DNAH14: variants seen among roughly 807,000 people sequenced by gnomAD.
DNAH14 encodes dynein axonemal heavy chain 14.
Under a neutral mutation model 520.9 loss-of-function variants are expected in DNAH14, and 478 were observed. The ratio of observed to expected loss-of-function variants is 0.92; its 90% CI spans 0.85 to 0.99. DNAH14 has a LOEUF of 0.99. DNAH14 is among the 50% of genes least tolerant of loss of function. The pLI is 0.00. For synonymous variants in DNAH14, 1,581 were observed against 1,757.2 expected (o/e 0.90, Z 2.51); for missense variants, 4,831 against 5,234.5 (o/e 0.92, Z 2.38).
At chr1:225,188,588 G>T (rs533698853) in intron 37 of DNAH14, among the ~76,000 whole-genome samples, 2 of 151,772 alleles carry the variant, frequency 1.3e-5, no homozygotes, top group African/African-American at 4.8e-5. Flanking sequence ...GGATAAAGGC[G>T]GATTATTGTA....
intron 60 of DNAH14, among the ~76,000 whole-genome samples, chr1:225,316,611 C>G (rs954859315): frequency 6.6e-6 from 1 of 152,174 alleles, no homozygotes; most frequent in Non-Finnish European, 1.5e-5. Context: ...GGAGGGAGTT[C>G]CCTGACCCCT....
intron 19 of DNAH14, 75 bp from the exon 20 acceptor site, chr1:225,082,474 C>A (rs774302167): frequency 1.7e-6 from 2 of 1,163,414 alleles, no homozygotes; most frequent in Admixed American, 3.4e-5. Context: ...AGAAAAAAAT[C>A]TTATTTTCTC....
chr1:225,269,967 A>C (rs921244721), intron 49 of DNAH14, among the ~76,000 whole-genome samples: 1 of 152,224 alleles, frequency 6.6e-6, no homozygotes, highest in African/African-American at 2.4e-5. Flanking sequence ...CCATCCCATT[A>C]CTGGGTATAT....
intron 8 of DNAH14, among the ~76,000 whole-genome samples, chr1:224,979,768 G>A (rs1354116186): frequency 6.6e-6 from 1 of 152,120 alleles, no homozygotes; most frequent in Non-Finnish European, 1.5e-5. Flanking sequence ...GACTAAAGAG[G>A]ACTTTGACTT....
In DNAH14 at chr1:225,231,056, ACT is replaced by A; in HGVS notation, c.6440-14_6440-13del. The A allele has an allele frequency of 6.5e-7, 1 of 1,534,358 alleles. No homozygotes were observed. Among genetic ancestry groups the A allele is most frequent in the Non-Finnish European group, 8.8e-7 (1 of 1,135,900 alleles). ...GGTCTGTTGTTAATTATGGAAAAAT[ACT>A]CTTTCCTTTTTAAGGTGATGATTTG... is the stretch of plus-strand genomic sequence containing the variant. On this transcript the variant is annotated splice_polypyrimidine_tract_variant and intron_variant, in intron 41 of 85. Coordinates refer to ENST00000682510, the MANE Select transcript of DNAH14 (RefSeq NM_001367479.1).
At chr1:225,378,399 C>T (rs1183722704) in intron 79 of DNAH14, among the ~76,000 whole-genome samples, 2 of 152,104 alleles carry the variant, frequency 1.3e-5, no homozygotes, top group African/African-American at 4.8e-5. Flanking sequence ...GGGTTGAATT[C>T]TAAGGAGAAA....
chr1:225,258,031 A>G lies in DNAH14; in HGVS notation c.6937A>G (p.Ile2313Val). ...FLKITECGEC[I>V]NYTATRDTTC... ...GAAGATAACAGAATGTGGAGAATGC[A>G]TTAATTATACCGCTACCAGAGACAC... Residue 2313 changes from isoleucine to valine, a missense_variant, in exon 45 of 86, where the codon ATT (isoleucine) becomes GTT (valine). Ile to Val is a conservative substitution (Grantham distance 29). Coordinates refer to ENST00000682510, the MANE Select transcript of DNAH14 (RefSeq NM_001367479.1). The G allele has an allele frequency of 6.5e-7, 1 of 1,550,350 alleles. No individual in the cohort carries two copies. Among genetic ancestry groups the G allele is most frequent in the Non-Finnish European group, 8.7e-7 (1 of 1,146,448 alleles).
At chr1:225,267,514 C>T (rs1353511135) in intron 49 of DNAH14, among the ~76,000 whole-genome samples, 1 of 151,882 alleles carries the variant, frequency 6.6e-6, no homozygotes, top group African/African-American at 2.4e-5. Context: ...AGGATGGTCT[C>T]GATCTGACCT....
chr1:224,972,230 T>G (rs1268641019), intron 7 of DNAH14, among the ~76,000 whole-genome samples: 1 of 152,160 alleles, frequency 6.6e-6, no homozygotes, highest in East Asian at 1.9e-4. Flanking sequence ...TTACTTAATT[T>G]GTACTTAATT....
intron 10 of DNAH14, among the ~76,000 whole-genome samples, 188 bp from the exon 11 acceptor site, chr1:225,023,427 G>C (rs1171186329): frequency 6.9e-6 from 1 of 144,862 alleles, no homozygotes; most frequent in Admixed American, 6.9e-5. Flanking sequence ...ATAATTTTTA[G>C]AATTCTATTT....
chr1:225,344,625 A>G (rs1347901021), intron 69 of DNAH14, among the ~76,000 whole-genome samples: 2 of 152,134 alleles, frequency 1.3e-5, no homozygotes, highest in Non-Finnish European at 2.9e-5. Flanking sequence ...CATCCAGTCT[A>G]TCATTGATGG....
intron 30 of DNAH14, among the ~76,000 whole-genome samples, chr1:225,146,026 C>T (rs545911616): frequency 9.2e-5 from 14 of 152,092 alleles, no homozygotes; most frequent in East Asian, 3.8e-4. Context: ...TCACTTAGTA[C>T]GTTAAAAATA....
At chr1:225,127,006 A>G (rs1476871658) in intron 27 of DNAH14, among the ~76,000 whole-genome samples, 16 of 150,876 alleles carry the variant, frequency 1.1e-4, no homozygotes, top group African/African-American at 2.2e-4. Flanking sequence ...GTTTCCATGT[A>G]GTTGAGCGGT....
intron 77 of DNAH14, among the ~76,000 whole-genome samples, chr1:225,370,322 A>G (rs1315909763): frequency 6.6e-6 from 1 of 151,756 alleles, no homozygotes. Flanking sequence ...ACGGGAAATC[A>G]CAGCCTGTGC....
chr1:225,010,407 G>A (rs961463666), intron 10 of DNAH14, among the ~76,000 whole-genome samples: 1 of 152,070 alleles, frequency 6.6e-6, no homozygotes, highest in African/African-American at 2.4e-5. Context: ...GTATTGATTT[G>A]TGTATGTTGA....
chr1:225,054,661 T>TA (rs1265258309), intron 17 of DNAH14, among the ~76,000 whole-genome samples: 1 of 152,168 alleles, frequency 6.6e-6, no homozygotes. Context: ...TACATATAGT[T>TA]AGCTTCTATA....
chr1:225,103,127 C>T (rs1190812787), intron 23 of DNAH14, among the ~76,000 whole-genome samples: 1 of 152,148 alleles, frequency 6.6e-6, no homozygotes, highest in East Asian at 1.9e-4. Context: ...GTTTTCCCAG[C>T]ACCATTTATT....
chr1:224,971,559 T>G (rs1472478651), intron 7 of DNAH14, among the ~76,000 whole-genome samples: 1 of 152,176 alleles, frequency 6.6e-6, no homozygotes, highest in Non-Finnish European at 1.5e-5. Context: ...TAATTTCAGA[T>G]AGTGATGAGG....
At chr1:224,940,600 C>T (rs995092412) in intron 1 of DNAH14, among the ~76,000 whole-genome samples, 3 of 151,862 alleles carry the variant, frequency 2.0e-5, no homozygotes, top group African/African-American at 4.8e-5. Flanking sequence ...ATGCATGTGC[C>T]GTGTTGGTGT....
Sources: allele counts gnomAD v4.1 joint callset (sites outside exome capture counted in the v4.1 genomes callset), GRCh38; gene constraint gnomAD v4.1.1; transcripts MANE v1.5; gene names NCBI Gene and HGNC (gene_info 2026-07-23, HGNC 2026-07-21).